The following DAB1 variants were observed in gnomAD, a reference collection of about 807,000 sequenced individuals.
The protein encoded by DAB1 is disabled homolog 1.
A neutral mutation model predicts 64.6 loss-of-function variants in DAB1; 15 were observed. That is an observed-to-expected ratio of 0.23 (90% CI 0.16 to 0.36). The LOEUF (loss-of-function observed/expected upper bound fraction) is 0.36. Ranked by LOEUF, DAB1 falls within the 10% of genes least tolerant of loss-of-function variation. The pLI is 1.00. For synonymous variants in DAB1, 235 were observed against 251.9 expected, an observed-to-expected ratio of 0.93 and a Z score of 0.64; for missense variants, 596 against 706.7, an observed-to-expected ratio of 0.84 and a Z score of 1.78.
chr1:57,637,865 T>C (rs1306212376), intron 7 of DAB1, among the ~76,000 whole-genome samples: 3 of 152,198 alleles, frequency 2.0e-5, no homozygotes, highest in Non-Finnish European at 4.4e-5. Context: ...GCAAGGAAAC[T>C]AGTCTTCAAC....
chr1:58,398,324 C>T (rs1367713038), intron 3 of DAB1, among the ~76,000 whole-genome samples: 1 of 152,246 alleles, frequency 6.6e-6, no homozygotes, highest in East Asian at 1.9e-4. Flanking sequence ...AGCCCTGCTT[C>T]ATCCCACCAA....
At chr1:57,329,660 CA>C (rs57801886) in intron 1 of DAB1, among the ~76,000 whole-genome samples, 37,137 of 100,768 alleles carry the variant, frequency 0.37, 4,748 homozygotes, top group Non-Finnish European at 0.39. Flanking sequence ...TTGTCTCTTC[CA>C]AAAAAAAAAA....
At chr1:57,901,357 C>T (rs947910219) in intron 5 of DAB1, among the ~76,000 whole-genome samples, 3 of 152,124 alleles carry the variant, frequency 2.0e-5, no homozygotes, top group Admixed American at 6.5e-5. Flanking sequence ...CATTAGCGAG[C>T]TCCCCCTCCC....
intron 7 of DAB1, among the ~76,000 whole-genome samples, chr1:57,463,309 T>A (rs1199169948): frequency 6.6e-6 from 1 of 152,184 alleles, no homozygotes; most frequent in Non-Finnish European, 1.5e-5. Flanking sequence ...GTTATTGCTA[T>A]GTTTGGAAAT....
intron 4 of DAB1, among the ~76,000 whole-genome samples, chr1:58,316,624 G>T (rs1257477172): frequency 6.6e-6 from 1 of 152,094 alleles, no homozygotes; most frequent in Admixed American, 6.5e-5. Context: ...CTGAAGGAGG[G>T]ATGCTTGTGT....
chr1:57,097,059 C>T (rs1473884144), intron 4 of DAB1, among the ~76,000 whole-genome samples: 1 of 151,958 alleles, frequency 6.6e-6, no homozygotes, highest in East Asian at 1.9e-4. Flanking sequence ...TCCTCAGTAC[C>T]CAGATTAGTA....
chr1:57,534,496 T>C (rs1644702358), intron 7 of DAB1, among the ~76,000 whole-genome samples: 1 of 152,170 alleles, frequency 6.6e-6, no homozygotes, highest in Non-Finnish European at 1.5e-5. Flanking sequence ...GGCTGTGGGA[T>C]CAATTAGGCC....
At chr1:57,157,933 A>G (rs1660392115) in intron 2 of DAB1, among the ~76,000 whole-genome samples, 2 of 152,238 alleles carry the variant, frequency 1.3e-5, no homozygotes, top group South Asian at 4.1e-4. Context: ...ACGGAGGCAC[A>G]GGGAAATGAA....
intron 3 of DAB1, chr1:58,468,031 T>TAG (rs1213606692): frequency 3.9e-5 from 6 of 152,282 alleles, no homozygotes; most frequent in African/African-American, 1.4e-4. Flanking sequence ...TTCAAGTGAT[T>TAG]CTTCTGCCTT....
intron 3 of DAB1, among the ~76,000 whole-genome samples, chr1:58,489,599 T>A (rs1278815997): frequency 1.3e-5 from 2 of 152,114 alleles, no homozygotes; most frequent in Non-Finnish European, 2.9e-5. Context: ...GAGTAGTGGT[T>A]CTCCCAGCAT....
intron 1 of DAB1, among the ~76,000 whole-genome samples, chr1:57,319,533 A>C (rs1675515538): frequency 6.6e-6 from 1 of 151,932 alleles, no homozygotes; most frequent in South Asian, 2.1e-4. Context: ...TTAACACAAA[A>C]CACCCCCTCC....
intron 2 of DAB1, among the ~76,000 whole-genome samples, chr1:57,272,261 G>T (rs931179899): frequency 6.6e-6 from 1 of 152,144 alleles, no homozygotes; most frequent in Non-Finnish European, 1.5e-5. Context: ...AGAACCACAC[G>T]CCTGGAGACC....
At chr1:57,451,482 A>T (rs1686361243) in intron 7 of DAB1, among the ~76,000 whole-genome samples, 1 of 152,142 alleles carries the variant, frequency 6.6e-6, no homozygotes, top group South Asian at 2.1e-4. Flanking sequence ...ATGTTTTGTG[A>T]TGTGTAGGAC....
intron 6 of DAB1, among the ~76,000 whole-genome samples, chr1:57,795,107 G>A (rs1173226462): frequency 6.6e-6 from 1 of 152,222 alleles, no homozygotes; most frequent in Non-Finnish European, 1.5e-5. Context: ...TATGGTGGCA[G>A]TGTTAACATG....
At chr1:57,496,319 ACT>A (rs1644229973) in intron 7 of DAB1, among the ~76,000 whole-genome samples, 5 of 152,150 alleles carry the variant, frequency 3.3e-5, no homozygotes, top group Admixed American at 3.3e-4. Flanking sequence ...TGCAAAACTA[ACT>A]CTGTCATTTG....
chr1:57,452,164 C>CG lies in DAB1; in HGVS notation n.626-160999_626-160998insC, dbSNP rs1370158506. 2.8e-3 allele frequency among the ~76,000 whole-genome samples: 267 copies of CG among 96,460 alleles called. 3 individuals are homozygous for CG. The highest frequency in any genetic ancestry group is 4.5e-3 in the Admixed American group (38 of 8,392). 63.3% of individuals were successfully genotyped at this position (96,460 alleles called of 152,430 possible). On this transcript the variant is annotated intron_variant and non_coding_transcript_variant, in intron 7 of 20. Coordinates refer to the DAB1 transcript ENST00000485760. The stretch of plus-strand genomic sequence containing the variant: ...AGGATTTAGTCTCTCTCTGCACCCC[C>CG]CCTTTTTTTTTTTTTTTTTTTTTGA...
At chr1:58,476,950 C>CT (rs1286206703) in intron 3 of DAB1, among the ~76,000 whole-genome samples, 1 of 152,200 alleles carries the variant, frequency 6.6e-6, no homozygotes, top group African/African-American at 2.4e-5. Context: ...GAGTTGAGTA[C>CT]TGCTGGACAC....
chr1:58,542,215 A>G (rs1646633782), intron 1 of DAB1, among the ~76,000 whole-genome samples: 1 of 152,236 alleles, frequency 6.6e-6, no homozygotes, highest in African/African-American at 2.4e-5. Flanking sequence ...AGGCTGATAT[A>G]TAATAGTTTG....
chr1:57,711,462 G>A lies in DAB1; in HGVS notation n.552-61797C>T, dbSNP rs148855102. On this transcript the variant is annotated intron_variant and non_coding_transcript_variant, in intron 6 of 20. Transcript: ENST00000485760. ...TCTTCCTGCTGACAGGGGGAGTGGT[G>A]GGGATAGCAGTTGGCTCCAGGGGAA... is the stretch of plus-strand genomic sequence containing the variant. Among the ~76,000 whole-genome samples, 11 of 152,344 alleles carry A rather than the reference G, an allele frequency of 7.2e-5. No homozygotes were observed. In the South Asian group the frequency reaches 2.1e-3, roughly 29 times the overall value.
Sources: gnomAD v4.1 joint callset for allele counts (sites outside exome capture counted in the v4.1 genomes callset) on GRCh38, gnomAD v4.1.1 for gene constraint, MANE v1.5 for transcripts, NCBI Gene and HGNC (gene_info 2026-07-23, HGNC 2026-07-21) for gene names.